The following CXCL13 variants were observed in gnomAD, a reference collection of about 807,000 sequenced individuals.
CXCL13 encodes the protein C-X-C motif chemokine ligand 13.
A neutral mutation model predicts 12.2 loss-of-function variants in CXCL13; 7 were observed. The observed-to-expected ratio is 0.57, with a 90% CI of 0.33 to 1.07. The LOEUF is 1.07. Ranked by LOEUF, CXCL13 falls within the 50% of genes least tolerant of loss-of-function variation. The pLI is 0.04. For synonymous variants in CXCL13, 47 were observed against 42.4 expected (o/e 1.11, Z -0.42); for missense variants, 113 against 127.4 (o/e 0.89, Z 0.55).
chr4:77,518,001 TG>T (rs1471558553), intron 1 of CXCL13, among the ~76,000 whole-genome samples: 1 of 151,858 alleles, frequency 6.6e-6, no homozygotes, highest in African/African-American at 2.4e-5. Context: ...AGGGCAGGCC[TG>T]GTGGTGACAT....
intron 1 of CXCL13, among the ~76,000 whole-genome samples, chr4:77,578,293 A>T (rs970456751): frequency 2.6e-5 from 4 of 152,162 alleles, no homozygotes; most frequent in Non-Finnish European, 5.9e-5. Context: ...GCCACAGATG[A>T]TGGCCCTGTT....
chr4:77,574,178 T>A lies in CXCL13; in HGVS notation c.-42-31646T>A, dbSNP rs147733678. On this transcript the variant is annotated intron_variant, in intron 1 of 4. Coordinates refer to the CXCL13 transcript ENST00000286758. ...TCTTCTTGGCTCTTGTTTTTTGTTG[T>A]TTGTTTGTTTTTCTTTTCAGTCAAC... Among the ~76,000 whole-genome samples, 190 of 151,964 alleles carry A rather than the reference T, an allele frequency of 1.3e-3. 3 individuals are homozygous for A. Among genetic ancestry groups the A allele is most frequent in the African/African-American group, 4.5e-3 (186 of 41,256 alleles).
intron 1 of CXCL13, among the ~76,000 whole-genome samples, chr4:77,541,502 G>T (rs976878112): frequency 2.0e-5 from 3 of 152,174 alleles, no homozygotes; most frequent in African/African-American, 7.2e-5. Context: ...TGTCGACTTT[G>T]TTGAAGATCA....
intron 1 of CXCL13, among the ~76,000 whole-genome samples, chr4:77,540,063 A>G (rs1725162774): frequency 6.6e-6 from 1 of 152,198 alleles, no homozygotes. Context: ...AATTATTTTT[A>G]GAAAAATAGA....
chr4:77,543,654 T>C (rs1275163551), intron 1 of CXCL13, among the ~76,000 whole-genome samples: 1 of 152,166 alleles, frequency 6.6e-6, no homozygotes, highest in Non-Finnish European at 1.5e-5. Flanking sequence ...TTTCATGTAA[T>C]TGTGTGATTT....
chr4:77,559,255 C>T (rs1348717558), intron 1 of CXCL13, among the ~76,000 whole-genome samples: 1 of 151,924 alleles, frequency 6.6e-6, no homozygotes, highest in East Asian at 1.9e-4. Context: ...AGAAAGGGGA[C>T]TGAGGGGAGA....
chr4:77,540,988 G>A (rs1178340174), intron 1 of CXCL13, among the ~76,000 whole-genome samples: 3 of 152,024 alleles, frequency 2.0e-5, no homozygotes, highest in Non-Finnish European at 2.9e-5. Context: ...GTTTTGATTT[G>A]CATTTCTCTG....
At chr4:77,607,081 G>A (rs950226152) in intron 1 of CXCL13, among the ~76,000 whole-genome samples, 2 of 152,210 alleles carry the variant, frequency 1.3e-5, no homozygotes, top group African/African-American at 4.8e-5. Flanking sequence ...GGGGAGGATG[G>A]CAGAGAGTCT....
chr4:77,587,495 T>C (rs969613276), intron 1 of CXCL13, among the ~76,000 whole-genome samples: 3 of 152,174 alleles, frequency 2.0e-5, no homozygotes, highest in Non-Finnish European at 4.4e-5. Flanking sequence ...CTGGAGGTGG[T>C]ACTTGGTACA....
upstream of CXCL13, among the ~76,000 whole-genome samples, chr4:77,604,241 T>G (rs1010786079): frequency 3.5e-4 from 54 of 152,252 alleles, no homozygotes; most frequent in Non-Finnish European, 1.0e-4. Flanking sequence ...CATGGGCCCC[T>G]CTAATAAACA....
At chr4:77,579,486 AG>A (rs1158866895) in intron 1 of CXCL13, among the ~76,000 whole-genome samples, 8 of 152,222 alleles carry the variant, frequency 5.3e-5, no homozygotes, top group African/African-American at 1.7e-4. Context: ...TATTCTAATT[AG>A]AAAGTTAAGG....
chr4:77,611,400 G>C lies in CXCL13; in HGVS notation c.*361G>C. ...AGCCTCAAATTTGAACATGTGGCTT[G>C]AATTAAGAAGAAAATTATGGCATAT... On this transcript the variant is annotated 3_prime_UTR_variant, in exon 4 of 4. Transcript: ENST00000682537. 1 of 368,292 alleles carries C rather than the reference G, an allele frequency of 2.7e-6. No individual in the cohort carries two copies. The highest frequency in any genetic ancestry group is 4.0e-5 in the East Asian group (1 of 24,942). 22.8% of individuals were successfully genotyped at this position (368,292 alleles called of 1,614,324 possible).
chr4:77,601,136 G>T (rs1165592039), upstream of CXCL13, among the ~76,000 whole-genome samples: 1 of 152,084 alleles, frequency 6.6e-6, no homozygotes, highest in Non-Finnish European at 1.5e-5. Context: ...TTAGGTTTGT[G>T]GTGGCTTCCC....
At chr4:77,561,997 G>A (rs866584307) in intron 1 of CXCL13, among the ~76,000 whole-genome samples, 1 of 152,182 alleles carries the variant, frequency 6.6e-6, no homozygotes, top group Non-Finnish European at 1.5e-5. Flanking sequence ...AAGCAGTGAG[G>A]AGCTTAGCAC....
At chr4:77,591,541 A>C in intron 1 of CXCL13, among the ~76,000 whole-genome samples, 1 of 128,174 alleles carries the variant, frequency 7.8e-6, no homozygotes, top group Non-Finnish European at 1.5e-5. Flanking sequence ...ACAGAGCAAG[A>C]CTCCATCTCA....
chr4:77,564,529 T>G (rs766979783), intron 1 of CXCL13, among the ~76,000 whole-genome samples: 3 of 150,892 alleles, frequency 2.0e-5, no homozygotes, highest in Non-Finnish European at 4.4e-5. Flanking sequence ...TTACCAAACA[T>G]TTACTCTGTA....
At chr4:77,538,171 A>G (rs1035125552) in intron 1 of CXCL13, among the ~76,000 whole-genome samples, 1 of 152,172 alleles carries the variant, frequency 6.6e-6, no homozygotes, top group Non-Finnish European at 1.5e-5. Flanking sequence ...CTACCTCAGC[A>G]ATGAGAAGTC....
intron 1 of CXCL13, among the ~76,000 whole-genome samples, chr4:77,582,239 C>T (rs1311387808): frequency 2.0e-5 from 3 of 152,160 alleles, no homozygotes; most frequent in African/African-American, 7.2e-5. Flanking sequence ...TTCAATAAAG[C>T]TGGGCCCTGT....
chr4:77,605,924 T>G lies in CXCL13; in HGVS notation c.59T>G (p.Val20Gly), dbSNP rs760469717. ...LMLLVSSLSPVQGVLEVYYTS... is the reference protein window; with the variant it reads ...LMLLVSSLSPGQGVLEVYYTS... ...CTGCTGGTCAGCAGCCTCTCTCCAG[T>G]CCAAGGTGAGAAATTTCATTTACAT... Residue 20 changes from valine (V) to glycine (G), a missense_variant, in exon 1 of 4, where the codon GTC becomes GGC. Val to Gly is a moderately radical substitution (Grantham distance 109). Transcript: ENST00000682537. The G allele has an allele frequency of 6.3e-7, 1 of 1,595,250 alleles. No homozygotes were observed. Among genetic ancestry groups the G allele is most frequent in the Admixed American group, 1.7e-5 (1 of 59,236 alleles).
Sources: gnomAD v4.1 joint callset for allele counts (sites outside exome capture counted in the v4.1 genomes callset) on GRCh38, gnomAD v4.1.1 for gene constraint, MANE v1.5 for transcripts, NCBI Gene and HGNC (gene_info 2026-07-23, HGNC 2026-07-21) for gene names.